DOCK1: variants seen among roughly 807,000 people sequenced by gnomAD.
DOCK1 encodes the protein dedicator of cytokinesis 1, also known as dedicator of cytokinesis protein 1.
Under a neutral mutation model 262.7 loss-of-function variants are expected in DOCK1, and 138 were observed. The ratio of observed to expected loss-of-function variants is 0.53; its 90% CI spans 0.46 to 0.61. The LOEUF (loss-of-function observed/expected upper bound fraction) is 0.61. Among genes scored for constraint, DOCK1 ranks in the 20% least tolerant of loss-of-function variants. The pLI is 0.00. For synonymous variants in DOCK1, 866 were observed against 867.4 expected (o/e 1.00, Z 0.03); for missense variants, 1,908 against 2,370.7 (o/e 0.80, Z 4.05).
intron 3 of DOCK1, 48 bp downstream of exon 3, chr10:126,978,036 C>A (rs1486701702): frequency 1.3e-6 from 2 of 1,553,028 alleles, no homozygotes; most frequent in Admixed American, 3.4e-5. Context: ...ATAAATCACA[C>A]CTTGAGAGGA....
chr10:127,434,084 T>C (rs1314310698), intron 48 of DOCK1, among the ~76,000 whole-genome samples: 1 of 152,024 alleles, frequency 6.6e-6, no homozygotes, highest in Non-Finnish European at 1.5e-5. Context: ...ACTGTCCCCC[T>C]GTGACACCAT....
intron 31 of DOCK1, among the ~76,000 whole-genome samples, chr10:127,351,955 C>T (rs949588859): frequency 1.3e-5 from 2 of 151,790 alleles, no homozygotes; most frequent in African/African-American, 2.4e-5. Flanking sequence ...CAATTAAAAC[C>T]GCATCTTTAG....
At chr10:127,260,829 A>ATG (rs2060017131) in intron 29 of DOCK1, among the ~76,000 whole-genome samples, 6 of 90,804 alleles carry the variant, frequency 6.6e-5, no homozygotes, top group South Asian at 4.5e-4. Flanking sequence ...ATGTGTGTGC[A>ATG]TGGGTGTGCG....
At chr10:127,152,541 G>A (rs552270989) in intron 27 of DOCK1, among the ~76,000 whole-genome samples, 1 of 152,164 alleles carries the variant, frequency 6.6e-6, no homozygotes, top group East Asian at 1.9e-4. Flanking sequence ...CTAAGGTGGG[G>A]GTGGTTTCAG....
Position 127,061,749 on chromosome 10 carries a change from C to G in DOCK1, c.2418C>G (p.Ser806Arg). ...GGTCCATCAATGACATGATGAGCAG[C>G]ATGTCAGACCAGACCGTCCGGGTGA... ...LFRSINDMMS[S>R]MSDQTVRVKG... is the part of the protein sequence containing the mutation. Residue 806 changes from serine to arginine, a missense_variant, in exon 23 of 52, where the codon AGC (serine) becomes AGG (arginine). Transcript: ENST00000623213. 1 of 1,592,360 alleles carries G rather than the reference C, an allele frequency of 6.3e-7. No homozygotes were observed. The highest frequency in any genetic ancestry group is 8.6e-7 in the Non-Finnish European group (1 of 1,169,258).
Position 127,425,863 on chromosome 10 carries a change from C to CT in DOCK1, c.4777-10dup, listed in dbSNP as rs764332296. Reference sequence around the variant, plus strand: ...CAAGAAATAAGGAATGTCAACCTCTCTGTTTTCCAGATTCCTTTTCTGGCC... The same window carrying CT: ...CAAGAAATAAGGAATGTCAACCTCTCTTGTTTTCCAGATTCCTTTTCTGGCC... On this transcript the variant is annotated splice_polypyrimidine_tract_variant and intron_variant, in intron 46 of 51. Coordinates refer to ENST00000623213, the MANE Select transcript of DOCK1 (RefSeq NM_001290223.2). 1 of 1,613,992 alleles carries CT rather than the reference C, an allele frequency of 6.2e-7. No homozygotes were observed. The highest frequency in any genetic ancestry group is 1.1e-5 in the South Asian group (1 of 91,064).
At chr10:127,104,225 TTC>T (rs2048408136) in intron 23 of DOCK1, among the ~76,000 whole-genome samples, 2 of 152,360 alleles carry the variant, frequency 1.3e-5, no homozygotes, top group East Asian at 3.9e-4. Flanking sequence ...GTAGTTCATC[TTC>T]TGTTATCTCA....
At chr10:127,386,722 A>T (rs144686442) in intron 38 of DOCK1, among the ~76,000 whole-genome samples, 1 of 152,294 alleles carries the variant, frequency 6.6e-6, no homozygotes, top group Admixed American at 6.5e-5. Context: ...TAATAGAAAT[A>T]AAGTACACGA....
At chr10:127,042,407 C>A (rs1226526053) in intron 19 of DOCK1, among the ~76,000 whole-genome samples, 5 of 152,182 alleles carry the variant, frequency 3.3e-5, no homozygotes, top group African/African-American at 1.2e-4. Context: ...TGCTTTGACC[C>A]TCTCCATTTA....
intron 27 of DOCK1, among the ~76,000 whole-genome samples, chr10:127,220,790 A>C (rs1226985050): frequency 6.6e-6 from 1 of 150,422 alleles, no homozygotes; most frequent in Non-Finnish European, 1.5e-5. Context: ...CCTTTAATTG[A>C]TTTTTCCCTC....
intron 1 of DOCK1, among the ~76,000 whole-genome samples, chr10:126,941,666 A>T (rs1375314187): frequency 6.6e-6 from 1 of 152,078 alleles, no homozygotes; most frequent in Non-Finnish European, 1.5e-5. Context: ...GAGGCAGGAG[A>T]ATGGCGTGAA....
At chr10:127,430,785 A>G (rs1001565742) in intron 47 of DOCK1, among the ~76,000 whole-genome samples, 3 of 151,814 alleles carry the variant, frequency 2.0e-5, no homozygotes, top group African/African-American at 7.3e-5. Flanking sequence ...AGTTCAGCCA[A>G]CCCCTTCAAC....
intron 27 of DOCK1, among the ~76,000 whole-genome samples, chr10:127,144,916 T>A (rs1207216868): frequency 2.6e-5 from 4 of 152,160 alleles, no homozygotes; most frequent in Non-Finnish European, 4.4e-5. Context: ...CCCCTTTTCC[T>A]GGTATACTAT....
At chr10:127,219,590 T>A (rs1430306540) in intron 27 of DOCK1, among the ~76,000 whole-genome samples, 1 of 152,206 alleles carries the variant, frequency 6.6e-6, no homozygotes, top group African/African-American at 2.4e-5. Flanking sequence ...GAACTCTTTT[T>A]ATGTTATAAG....
At chr10:127,273,675 A>C (rs2060643962) in intron 29 of DOCK1, among the ~76,000 whole-genome samples, 1 of 152,012 alleles carries the variant, frequency 6.6e-6, no homozygotes, top group African/African-American at 2.4e-5. Flanking sequence ...TGAGCTCAGA[A>C]GCTTGAGACA....
chr10:126,912,037 T>A (rs1240557970), intron 1 of DOCK1, among the ~76,000 whole-genome samples: 1 of 152,170 alleles, frequency 6.6e-6, no homozygotes, highest in African/African-American at 2.4e-5. Flanking sequence ...GTTGGTTTCT[T>A]CTGAGACCTC....
chr10:126,954,317 A>G (rs1456389101), intron 1 of DOCK1, among the ~76,000 whole-genome samples: 1 of 152,250 alleles, frequency 6.6e-6, no homozygotes, highest in Non-Finnish European at 1.5e-5. Flanking sequence ...CAGCCGATGC[A>G]GGGGCCTGAG....
intron 24 of DOCK1, among the ~76,000 whole-genome samples, chr10:127,107,915 G>A (rs762972402): frequency 1.3e-5 from 2 of 152,162 alleles, no homozygotes; most frequent in Non-Finnish European, 2.9e-5. Context: ...CTCAGTTTGC[G>A]CTTGAGCCGG....
At chr10:127,295,621 G>A (rs2061479978) in intron 29 of DOCK1, among the ~76,000 whole-genome samples, 1 of 151,968 alleles carries the variant, frequency 6.6e-6, no homozygotes, top group African/African-American at 2.4e-5. Flanking sequence ...AGGAATTTGA[G>A]GTTACAGTGA....
Sources: allele counts gnomAD v4.1 joint callset (sites outside exome capture counted in the v4.1 genomes callset), GRCh38; gene constraint gnomAD v4.1.1; transcripts MANE v1.5; gene names NCBI Gene and HGNC (gene_info 2026-07-23, HGNC 2026-07-21).